Variants in ITSN1 observed in about 807,000 individuals in gnomAD.
ITSN1 encodes the protein intersectin 1.
In ITSN1, 58 loss-of-function variants were observed where a neutral mutation model predicts 239.8. The observed-to-expected ratio is 0.24, with a 90% CI of 0.20 to 0.30. ITSN1 has a LOEUF of 0.30. Ranked by LOEUF, ITSN1 falls within the 10% of genes least tolerant of loss-of-function variation. ITSN1 has a pLI of 1.00. For missense variants in ITSN1, 1,558 were observed against 2,103.3 expected (o/e 0.74, Z 5.07); for synonymous variants, 780 against 770.8 (o/e 1.01, Z -0.20).
In ITSN1 at chr21:33,860,904, A is replaced by G. The variant is rs1314815856; in HGVS notation, c.3890+2112A>G. 4.6e-5 allele frequency among the ~76,000 whole-genome samples: 7 copies of G among 152,282 alleles called. No homozygotes were observed. The East Asian group carries it at 1.2e-3, about 25-fold the overall frequency. On this transcript the variant is annotated intron_variant, in intron 31 of 39. Coordinates refer to ENST00000381318, the MANE Select transcript of ITSN1 (RefSeq NM_003024.3). ...GCACGGTCATTCTGAGAGCAAGGGAATCAGGTGTCCCAGGGGCACGCCGTC... is the reference window on the plus strand; with the variant it reads ...GCACGGTCATTCTGAGAGCAAGGGAGTCAGGTGTCCCAGGGGCACGCCGTC...
chr21:33,811,097 A>T lies in ITSN1; in HGVS notation c.2442A>T (p.Lys814Asn). 6.2e-7 allele frequency: 1 copy of T among 1,614,186 alleles called. No homozygotes were observed. The highest frequency in any genetic ancestry group is 8.5e-7 in the Non-Finnish European group (1 of 1,180,030). Reference protein sequence around the residue: ...IPENEVPAPVKPVTDSTSAPA... With the variant: ...IPENEVPAPVNPVTDSTSAPA... ...AAAATGAGGTTCCCGCTCCAGTGAA[A>T]CCAGTGACTGATTCAACATCTGCCC... The change falls in exon 21 of 40, where the codon AAA (lysine) becomes AAT (asparagine). Residue 814 changes from lysine (K) to asparagine (N), a missense_variant. Coordinates refer to ENST00000381318, the MANE Select transcript of ITSN1 (RefSeq NM_003024.3).
intron 33 of ITSN1, among the ~76,000 whole-genome samples, chr21:33,869,346 C>T (rs1337306226): frequency 6.6e-6 from 1 of 152,182 alleles, no homozygotes; most frequent in African/African-American, 2.4e-5. Flanking sequence ...AAGGGGGAAA[C>T]CCCTTACAAA....
intron 5 of ITSN1, among the ~76,000 whole-genome samples, chr21:33,742,062 T>C (rs2066892449): frequency 6.6e-6 from 1 of 150,770 alleles, no homozygotes; most frequent in African/African-American, 2.4e-5. Context: ...TAAAATCTTT[T>C]TTTTTTTTTT....
intron 1 of ITSN1, among the ~76,000 whole-genome samples, chr21:33,697,617 G>C (rs751969427): frequency 3.3e-5 from 5 of 151,988 alleles, no homozygotes; most frequent in Non-Finnish European, 7.4e-5. Flanking sequence ...CTGTTAATTT[G>C]AATCTATTCC....
At chr21:33,767,898 CAAAGAT>C in intron 11 of ITSN1, 70 bp downstream of exon 11, 1 of 840,638 alleles carries the variant, frequency 1.2e-6, no homozygotes, top group Non-Finnish European at 1.9e-6. Context: ...ATCTCTAAGA[CAAAGAT>C]AGAGGTAAAC....
At chr21:33,767,668 G>A in intron 10 of ITSN1, 45 bp from the exon 11 acceptor site, 1 of 1,140,262 alleles carries the variant, frequency 8.8e-7, no homozygotes, top group Non-Finnish European at 1.3e-6. Flanking sequence ...ACTCCACCCA[G>A]ACAGCTCTGT....
intron 1 of ITSN1, among the ~76,000 whole-genome samples, chr21:33,702,111 T>G (rs372995222): frequency 9.3e-6 from 1 of 107,892 alleles, no homozygotes. Flanking sequence ...TTTTTTTTTT[T>G]TTTTTTTTTT....
intron 1 of ITSN1, among the ~76,000 whole-genome samples, chr21:33,699,169 A>G (rs953439339): frequency 2.0e-5 from 3 of 152,072 alleles, no homozygotes; most frequent in African/African-American, 7.2e-5. Context: ...TTTCTCCCAC[A>G]TTTGGACATT....
chr21:33,837,013 C>T, intron 29 of ITSN1: 3 of 1,613,584 alleles, frequency 1.9e-6, no homozygotes, highest in Non-Finnish European at 2.5e-6. Context: ...ATCCCCCCCT[C>T]AGGCTTGAAA....
chr21:33,806,510 G>A (rs2072463938), intron 20 of ITSN1, among the ~76,000 whole-genome samples: 1 of 152,250 alleles, frequency 6.6e-6, no homozygotes, highest in Non-Finnish European at 1.5e-5. Context: ...GAGAAAAGAG[G>A]TGTAATATCA....
At chr21:33,801,674 G>A (rs1471581339) in intron 19 of ITSN1, among the ~76,000 whole-genome samples, 1 of 152,076 alleles carries the variant, frequency 6.6e-6, no homozygotes, top group Non-Finnish European at 1.5e-5. Flanking sequence ...ATGTTGCCCA[G>A]GCTCCAGATC....
chr21:33,861,505 A>C (rs940707187), intron 31 of ITSN1, among the ~76,000 whole-genome samples: 3 of 152,234 alleles, frequency 2.0e-5, no homozygotes, highest in African/African-American at 7.2e-5. Context: ...ATGATGCCTC[A>C]TTGAGGGTTA....
chr21:33,878,287 C>T (rs1220036169), intron 34 of ITSN1, among the ~76,000 whole-genome samples: 1 of 152,170 alleles, frequency 6.6e-6, no homozygotes, highest in Non-Finnish European at 1.5e-5. Context: ...CCCGCCTTAA[C>T]CTCCCAAAGT....
chr21:33,803,676 C>T (rs1043578377), intron 20 of ITSN1, among the ~76,000 whole-genome samples: 4 of 152,068 alleles, frequency 2.6e-5, no homozygotes, highest in East Asian at 1.9e-4. Flanking sequence ...AAGGGGCTTT[C>T]GTGTTGAATT....
chr21:33,803,068 T>G (rs1489053787), intron 20 of ITSN1, among the ~76,000 whole-genome samples: 2 of 152,192 alleles, frequency 1.3e-5, no homozygotes, highest in Non-Finnish European at 2.9e-5. Flanking sequence ...AAAAAATACA[T>G]GAAAAGATGC....
At chr21:33,704,363 G>A (rs2146860255) in intron 1 of ITSN1, among the ~76,000 whole-genome samples, 1 of 152,206 alleles carries the variant, frequency 6.6e-6, no homozygotes, top group Middle Eastern at 3.4e-3. Context: ...TTATTGCATG[G>A]AACAGTATCC....
chr21:33,655,065 T>A, intron 1 of ITSN1, among the ~76,000 whole-genome samples: 1 of 152,202 alleles, frequency 6.6e-6, no homozygotes, highest in East Asian at 1.9e-4. Context: ...GTTATTATTT[T>A]CTCCATATAA....
rs1412673800 is a variant in ITSN1, at chr21:33,750,287, C to G, written c.491C>G (p.Pro164Arg). 1 of 1,613,738 alleles carries G rather than the reference C, an allele frequency of 6.2e-7. No individual in the cohort carries two copies. The highest frequency in any genetic ancestry group is 1.7e-5 in the Admixed American group (1 of 60,020). The change falls in exon 6 of 40, where the codon CCT becomes CGT. Residue 164 changes from proline (P) to arginine (R), a missense_variant. Around this residue, in one of 2 missense-constraint regions of ITSN1, gnomAD observed 982 missense variants for 1,209.9 expected, o/e 0.81. Coordinates refer to ENST00000381318, the MANE Select transcript of ITSN1 (RefSeq NM_003024.3). ...AVPPLANGAP[P>R]VIQPLPAFAH... ...CCCCCCCTGGCTAACGGGGCTCCCC[C>G]TGTTATACAACCTCTGCCTGCATTT...
chr21:33,840,509 ATG>A (rs2074785580), intron 29 of ITSN1, among the ~76,000 whole-genome samples: 1 of 152,068 alleles, frequency 6.6e-6, no homozygotes, highest in Non-Finnish European at 1.5e-5. Flanking sequence ...GATTACAGGC[ATG>A]CACGTGGGTC....
Sources: allele counts gnomAD v4.1 joint callset (sites outside exome capture counted in the v4.1 genomes callset), GRCh38; gene constraint gnomAD v4.1.1; regional missense constraint gnomAD v4.1.1; transcripts MANE v1.5; gene names NCBI Gene and HGNC (gene_info 2026-07-23, HGNC 2026-07-21).